The following PAPPA2 variants were observed in gnomAD, a reference collection of about 807,000 sequenced individuals.
PAPPA2 encodes pappalysin 2.
Under a neutral mutation model 176.4 loss-of-function variants are expected in PAPPA2, and 86 were observed. The observed-to-expected ratio is 0.49, with a 90% CI of 0.41 to 0.58. The LOEUF is 0.58. PAPPA2 is among the 20% of genes least tolerant of loss of function. The pLI is 0.00. For synonymous variants in PAPPA2, 809 were observed against 852.2 expected (o/e 0.95, Z 0.88); for missense variants, 2,073 against 2,256.9 (o/e 0.92, Z 1.65).
chr1:176,489,067 A>G (rs981803538), intron 1 of PAPPA2, among the ~76,000 whole-genome samples: 1 of 152,212 alleles, frequency 6.6e-6, no homozygotes, highest in African/African-American at 2.4e-5. Flanking sequence ...TACTTTACAT[A>G]GTGACCAAGT....
intron 2 of PAPPA2, among the ~76,000 whole-genome samples, chr1:176,581,922 C>CTTTTTTTTTTTTTTT (rs538920194): frequency 1.2e-5 from 1 of 80,994 alleles, no homozygotes; most frequent in Non-Finnish European, 2.4e-5. Flanking sequence ...TTCTTTCTTT[C>CTTTTTTTTTTTTTTT]TTTTTTTTTT....
intron 3 of PAPPA2, among the ~76,000 whole-genome samples, chr1:176,621,297 A>T (rs1293461701): frequency 2.0e-5 from 3 of 152,192 alleles, no homozygotes; most frequent in African/African-American, 7.2e-5. Flanking sequence ...ATTTGTTGTG[A>T]TGAAAGATGA....
intron 21 of PAPPA2, among the ~76,000 whole-genome samples, chr1:176,838,597 T>C (rs1474987659): frequency 6.6e-6 from 1 of 152,214 alleles, no homozygotes; most frequent in Non-Finnish European, 1.5e-5. Context: ...GATGCACTAG[T>C]TATCTTTGAC....
intron 3 of PAPPA2, among the ~76,000 whole-genome samples, chr1:176,627,421 A>C (rs1656093925): frequency 6.6e-6 from 1 of 152,194 alleles, no homozygotes; most frequent in East Asian, 1.9e-4. Context: ...CCTTAGCTCG[A>C]GAGAAGTTCA....
intron 17 of PAPPA2, among the ~76,000 whole-genome samples, chr1:176,784,704 A>C (rs2102929984): frequency 6.6e-6 from 1 of 151,828 alleles, no homozygotes. Flanking sequence ...CTTCTGCCTC[A>C]GCCTCCCAAA....
At chr1:176,723,181 G>T (rs1302456799) in intron 12 of PAPPA2, among the ~76,000 whole-genome samples, 1 of 152,082 alleles carries the variant, frequency 6.6e-6, no homozygotes, top group Non-Finnish European at 1.5e-5. Flanking sequence ...CATGATAATG[G>T]CATTAATCTG....
intron 3 of PAPPA2, among the ~76,000 whole-genome samples, chr1:176,618,761 A>C (rs1655420420): frequency 6.6e-6 from 1 of 152,248 alleles, no homozygotes; most frequent in Non-Finnish European, 1.5e-5. Context: ...GGATTAAAAG[A>C]GTAATGGGAT....
intron 20 of PAPPA2, among the ~76,000 whole-genome samples, chr1:176,796,784 TTCTG>T (rs1006716090): frequency 2.6e-5 from 4 of 150,964 alleles, no homozygotes; most frequent in Admixed American, 1.3e-4. Context: ...CTTCCCTTCT[TTCTG>T]TCTTTCTTCC....
At chr1:176,671,712 C>T (rs917352513) in intron 4 of PAPPA2, among the ~76,000 whole-genome samples, 2 of 151,948 alleles carry the variant, frequency 1.3e-5, no homozygotes, top group Non-Finnish European at 2.9e-5. Flanking sequence ...ACATATACAC[C>T]ATGGAATACT....
chr1:176,577,339 C>A (rs1197367371), intron 2 of PAPPA2, among the ~76,000 whole-genome samples: 1 of 152,116 alleles, frequency 6.6e-6, no homozygotes, highest in Non-Finnish European at 1.5e-5. Context: ...CTAAGGAAAG[C>A]CAGGGGAATC....
Position 176,791,447 on chromosome 1 carries a change from C to T in PAPPA2, c.4985C>T (p.Ser1662Phe). ...ECPPPPSELNSVEYKCEQGYG... is the reference protein window; with the variant it reads ...ECPPPPSELNFVEYKCEQGYG... ...CCACCACCCCCCTCAGAGCTGAATTCTGTGGAGTACAAATGTGAACAAGGA... is the reference window on the plus strand; with the variant it reads ...CCACCACCCCCCTCAGAGCTGAATTTTGTGGAGTACAAATGTGAACAAGGA... Residue 1662 changes from serine to phenylalanine, a missense_variant, in exon 19 of 23, where the codon TCT becomes TTT. This residue lies in a region of PAPPA2 where 846 missense variants were observed against 857.9 expected (regional missense o/e 0.99). Transcript: ENST00000367662. 1.2e-6 allele frequency: 2 copies of T among 1,613,846 alleles called. No homozygotes were observed. Among genetic ancestry groups the T allele is most frequent in the Non-Finnish European group, 1.7e-6 (2 of 1,179,846 alleles).
At chr1:176,749,243 T>C (rs1480245622) in intron 14 of PAPPA2, among the ~76,000 whole-genome samples, 2 of 152,232 alleles carry the variant, frequency 1.3e-5, no homozygotes, top group African/African-American at 4.8e-5. Context: ...TTTAAGTGGT[T>C]GTGCCATTTA....
chr1:176,600,787 G>A lies in PAPPA2; in HGVS notation c.1991+5192G>A, dbSNP rs188885634. Among the ~76,000 whole-genome samples the A allele has an allele frequency of 2.5e-4, 38 of 152,208 alleles. 1 individual carries two copies. Reference sequence around the variant, plus strand: ...TGCTTTGCGAGTCATCTATTGAGTGGAGTGCTCCAGGCACAGAGTCTTTCC... The same window carrying A: ...TGCTTTGCGAGTCATCTATTGAGTGAAGTGCTCCAGGCACAGAGTCTTTCC... On this transcript the variant is annotated intron_variant, in intron 3 of 22. Transcript: ENST00000367662.
At chr1:176,808,560 A>G (rs891199234) in intron 21 of PAPPA2, among the ~76,000 whole-genome samples, 1 of 152,222 alleles carries the variant, frequency 6.6e-6, no homozygotes, top group Non-Finnish European at 1.5e-5. Context: ...TTAAAATTAT[A>G]GTTATTTTTT....
intron 1 of PAPPA2, among the ~76,000 whole-genome samples, chr1:176,518,815 A>G (rs1649062254): frequency 1.3e-5 from 2 of 152,188 alleles, no homozygotes; most frequent in South Asian, 4.1e-4. Flanking sequence ...CCTTAGGCTC[A>G]ATAGGAATTC....
chr1:176,646,446 G>A (rs1323154095), intron 3 of PAPPA2, among the ~76,000 whole-genome samples: 1 of 150,242 alleles, frequency 6.7e-6, no homozygotes, highest in Non-Finnish European at 1.5e-5. Context: ...ATTTTTAAAT[G>A]TATAATAAAT....
At chr1:176,694,959 G>C (rs903945851) in intron 6 of PAPPA2, among the ~76,000 whole-genome samples, 4 of 152,224 alleles carry the variant, frequency 2.6e-5, no homozygotes, top group Non-Finnish European at 5.9e-5. Context: ...GGGAGTACTG[G>C]TCACTCAGAG....
intron 3 of PAPPA2, among the ~76,000 whole-genome samples, chr1:176,637,508 C>T (rs1055599701): frequency 1.3e-5 from 2 of 152,086 alleles, no homozygotes; most frequent in Admixed American, 1.3e-4. Context: ...ATGCTCCTTC[C>T]CTGTCTTTTG....
chr1:176,718,102 A>G lies in PAPPA2; in HGVS notation c.3798+6121A>G, dbSNP rs142692716. ...TTTGAGGAAAAAAATACAATTATGG[A>G]TTAAAATTTTAAAACAAATGTAGAG... On this transcript the variant is annotated intron_variant, in intron 12 of 22. Transcript: ENST00000367662. Among the ~76,000 whole-genome samples the G allele has an allele frequency of 2.4e-4, 36 of 152,292 alleles. 1 individual carries two copies. In the East Asian group the frequency reaches 5.8e-3, roughly 24 times the overall value.
Sources: allele counts gnomAD v4.1 joint callset (sites outside exome capture counted in the v4.1 genomes callset), GRCh38; gene constraint gnomAD v4.1.1; regional missense constraint gnomAD v4.1.1; transcripts MANE v1.5; gene names NCBI Gene and HGNC (gene_info 2026-07-23, HGNC 2026-07-21).